The following THSD4 variants were observed in gnomAD, a reference collection of about 807,000 sequenced individuals.
THSD4 encodes the protein thrombospondin type-1 domain-containing protein 4.
In THSD4, 69 loss-of-function variants were observed where a neutral mutation model predicts 119.0. The observed-to-expected ratio is 0.58, with a 90% confidence interval of 0.48 to 0.71. The LOEUF is 0.71. Among genes scored for constraint, THSD4 ranks in the 30% least tolerant of loss-of-function variants. The probability of loss-of-function intolerance (pLI) is 0.00; values close to 1 mark genes in which losing one functional copy is unlikely to be tolerated. For missense variants in THSD4, 1,393 were observed against 1,391.1 expected, an observed-to-expected ratio of 1.00 and a Z score of -0.02; for synonymous variants, 524 against 540.4, an observed-to-expected ratio of 0.97 and a Z score of 0.42.
chr15:71,334,389 A>G (rs1407349610), intron 6 of THSD4, among the ~76,000 whole-genome samples: 1 of 152,248 alleles, frequency 6.6e-6, no homozygotes, highest in Non-Finnish European at 1.5e-5. Context: ...GCAGCTTTCT[A>G]GATGAACAGG....
At chr15:71,593,914 C>CT (rs974043407) in intron 7 of THSD4, among the ~76,000 whole-genome samples, 1 of 150,252 alleles carries the variant, frequency 6.7e-6, no homozygotes, top group Non-Finnish European at 1.5e-5. Context: ...CCCTTCCCAC[C>CT]CCCCCGGCAA....
chr15:71,489,171 C>CA (rs1045140966), intron 7 of THSD4, among the ~76,000 whole-genome samples: 8 of 151,872 alleles, frequency 5.3e-5, no homozygotes, highest in African/African-American at 1.9e-4. Context: ...ACTATGTAGC[C>CA]AAAAAATAGG....
At chr15:71,528,009 C>G (rs2048551778) in intron 7 of THSD4, among the ~76,000 whole-genome samples, 1 of 152,210 alleles carries the variant, frequency 6.6e-6, no homozygotes, top group South Asian at 2.1e-4. Context: ...AGCCACCGCA[C>G]CAATCAATTT....
At chr15:71,275,736 C>A (rs2044581787) in intron 6 of THSD4, among the ~76,000 whole-genome samples, 1 of 152,000 alleles carries the variant, frequency 6.6e-6, no homozygotes, top group Non-Finnish European at 1.5e-5. Flanking sequence ...GGGCAGTTAC[C>A]CCTTGCTGCT....
At chr15:71,269,305 C>T (rs2044502017) in intron 6 of THSD4, among the ~76,000 whole-genome samples, 1 of 152,144 alleles carries the variant, frequency 6.6e-6, no homozygotes, top group Non-Finnish European at 1.5e-5. Context: ...ATACACAAAC[C>T]AATAAACGTA....
chr15:71,404,606 T>C (rs2046580136), intron 6 of THSD4, among the ~76,000 whole-genome samples: 1 of 152,206 alleles, frequency 6.6e-6, no homozygotes, highest in African/African-American at 2.4e-5. Flanking sequence ...CAATATGATA[T>C]CATTAAGAGG....
chr15:71,521,159 G>A (rs2048434696), intron 7 of THSD4, among the ~76,000 whole-genome samples: 3 of 152,246 alleles, frequency 2.0e-5, no homozygotes, highest in East Asian at 1.9e-4. Context: ...CTTCCACTAC[G>A]TGATCTAAAA....
chr15:71,327,505 T>A (rs775372182), intron 6 of THSD4, among the ~76,000 whole-genome samples: 1 of 152,222 alleles, frequency 6.6e-6, no homozygotes, highest in Non-Finnish European at 1.5e-5. Context: ...TAATATTTAT[T>A]TTGTCTATGA....
Position 71,199,870 on chromosome 15 carries a change from TGTGTGTGTGGTGCATGTGTG to T in THSD4, c.100-15162_100-15143del, listed in dbSNP as rs2043780138. 6.1e-5 allele frequency among the ~76,000 whole-genome samples: 3 copies of T among 48,884 alleles called. No homozygotes were observed. In the South Asian group the frequency reaches 1.6e-3, roughly 26 times the overall value. 32.1% of individuals were successfully genotyped at this position (48,884 alleles called of 152,430 possible). On this transcript the variant is annotated intron_variant, in intron 3 of 17. Transcript: ENST00000261862. ...GTGTGTGATGCATGTGTGGGGTGTG[TGTGTGTGTGGTGCATGTGTG>T]GTATGTGTGTGTGGTGCATGTGTGG...
intron 7 of THSD4, among the ~76,000 whole-genome samples, chr15:71,444,357 A>G (rs2047150809): frequency 6.6e-6 from 1 of 152,226 alleles, no homozygotes; most frequent in African/African-American, 2.4e-5. Context: ...CATGGGGTCC[A>G]CCTGAAGAGT....
chr15:71,180,653 A>G (rs1435136526), intron 3 of THSD4, among the ~76,000 whole-genome samples: 1 of 152,238 alleles, frequency 6.6e-6, no homozygotes, highest in African/African-American at 2.4e-5. Flanking sequence ...TATATTGACA[A>G]TAAGAAGCCA....
At chr15:71,359,827 C>A (rs2045868504) in intron 6 of THSD4, among the ~76,000 whole-genome samples, 1 of 150,732 alleles carries the variant, frequency 6.6e-6, no homozygotes, top group African/African-American at 2.4e-5. Context: ...CAGAGCAAGA[C>A]CCTGTCTCAA....
chr15:71,157,548 G>A (rs2040790796), intron 3 of THSD4, among the ~76,000 whole-genome samples: 1 of 151,886 alleles, frequency 6.6e-6, no homozygotes, highest in South Asian at 2.1e-4. Context: ...TAGAACACCA[G>A]AACTTATTCC....
At chr15:71,696,746 C>T (rs2052173195) in intron 8 of THSD4, among the ~76,000 whole-genome samples, 1 of 152,126 alleles carries the variant, frequency 6.6e-6, no homozygotes, top group Non-Finnish European at 1.5e-5. Flanking sequence ...GAAAGAATAC[C>T]AAATCCAAGC....
chr15:71,208,671 C>T (rs1456410128), intron 3 of THSD4, among the ~76,000 whole-genome samples: 1 of 151,930 alleles, frequency 6.6e-6, no homozygotes, highest in East Asian at 1.9e-4. Flanking sequence ...ACTACCATGC[C>T]CAGCTAATTT....
Position 71,303,329 on chromosome 15 carries a change from G to T in THSD4, c.1015+46614G>T, listed in dbSNP as rs3803494. Among the ~76,000 whole-genome samples, 180 of 152,234 alleles carry T rather than the reference G, an allele frequency of 1.2e-3. 1 individual carries two copies. Among genetic ancestry groups the T allele is most frequent in the Admixed American group, 4.6e-3 (71 of 15,296 alleles). On this transcript the variant is annotated intron_variant, in intron 6 of 17. Transcript: ENST00000261862. ...GAATAAAGAGCTGCCTGGTCAGGAG[G>T]GGGGCAGTCAGCATGGGCTAAGTTT... is the stretch of plus-strand genomic sequence containing the variant.
At chr15:71,422,951 T>A (rs775662209) in intron 7 of THSD4, among the ~76,000 whole-genome samples, 1 of 152,096 alleles carries the variant, frequency 6.6e-6, no homozygotes, top group Non-Finnish European at 1.5e-5. Context: ...CAGAGGAGTC[T>A]GTCCCCGTGG....
intron 10 of THSD4, among the ~76,000 whole-genome samples, chr15:71,736,187 C>T (rs549420322): frequency 0.012 from 1,848 of 149,774 alleles, 59 homozygotes; most frequent in African/African-American, 0.043. Context: ...CACACTCTGT[C>T]TCTCTCTTGC....
chr15:71,181,472 A>C (rs1182472532), intron 3 of THSD4, among the ~76,000 whole-genome samples: 1 of 152,236 alleles, frequency 6.6e-6, no homozygotes, highest in Non-Finnish European at 1.5e-5. Flanking sequence ...TTTGGGAATA[A>C]TGGTACGGTC....
Sources: gnomAD v4.1 joint callset for allele counts (sites outside exome capture counted in the v4.1 genomes callset) on GRCh38, gnomAD v4.1.1 for gene constraint, MANE v1.5 for transcripts, NCBI Gene and HGNC (gene_info 2026-07-23, HGNC 2026-07-21) for gene names.